The following GRM1 variants were observed in gnomAD, a reference collection of about 807,000 sequenced individuals.
The protein encoded by GRM1 is metabotropic glutamate receptor 1.
Under a neutral mutation model 90.9 loss-of-function variants are expected in GRM1, and 33 were observed. That is an observed-to-expected ratio of 0.36 (90% CI 0.28 to 0.49). The LOEUF (loss-of-function observed/expected upper bound fraction) is 0.49. Among genes scored for constraint, GRM1 ranks in the 20% least tolerant of loss-of-function variants. The pLI, the probability that GRM1 is intolerant of heterozygous loss-of-function variation, is 0.99. For synonymous variants in GRM1, 700 were observed against 613.2 expected (o/e 1.14, Z -2.09); for missense variants, 1,190 against 1,534.3 (o/e 0.78, Z 3.75).
intron 3 of GRM1, among the ~76,000 whole-genome samples, chr6:146,314,050 C>CTTTTT (rs1783869802): frequency 3.6e-5 from 3 of 82,932 alleles, no homozygotes; most frequent in African/African-American, 1.3e-4. Context: ...ATAGTTAATT[C>CTTTTT]CTTTTTTTTT....
At chr6:146,379,930 G>GTCTC (rs56732675) in intron 5 of GRM1, among the ~76,000 whole-genome samples, 93 of 147,854 alleles carry the variant, frequency 6.3e-4, no homozygotes, top group South Asian at 3.2e-3. Flanking sequence ...TACAGAGTCT[G>GTCTC]TCTCTCTCTC....
intron 7 of GRM1, among the ~76,000 whole-genome samples, chr6:146,409,102 A>G (rs955156226): frequency 2.6e-5 from 4 of 152,126 alleles, no homozygotes; most frequent in African/African-American, 9.7e-5. Flanking sequence ...TATAAGAAAT[A>G]ATATCAGGTA....
intron 7 of GRM1, among the ~76,000 whole-genome samples, chr6:146,431,245 G>C (rs1778394047): frequency 6.6e-6 from 1 of 152,168 alleles, no homozygotes. Context: ...GGGAACGAAA[G>C]TTACCAGTTT....
intron 2 of GRM1, among the ~76,000 whole-genome samples, chr6:146,227,295 G>T (rs1057445851): frequency 2.6e-5 from 4 of 152,020 alleles, no homozygotes; most frequent in Non-Finnish European, 5.9e-5. Context: ...CACTTTCACA[G>T]TGGGGTTTGG....
At chr6:146,313,930 T>G (rs567294824) in intron 3 of GRM1, among the ~76,000 whole-genome samples, 3 of 152,198 alleles carry the variant, frequency 2.0e-5, no homozygotes, top group African/African-American at 7.2e-5. Flanking sequence ...ATTTCTATAC[T>G]TTAATATAAA....
Position 146,399,720 on chromosome 6 carries a change from G to A in GRM1, c.2660+21G>A. The A allele has an allele frequency of 6.6e-7, 1 of 1,517,776 alleles. No individual in the cohort carries two copies. Among genetic ancestry groups the A allele is most frequent in the Non-Finnish European group, 9.1e-7 (1 of 1,104,374 alleles). 94.0% of individuals were successfully genotyped at this position (1,517,776 alleles called of 1,614,324 possible). A position where few individuals can be genotyped will look rare whatever the true frequency, so the allele number is the denominator to read the frequency against. Reference sequence around the variant, plus strand: ...GCCAAGTGAGTTATCTGACCTGTTTGTCTCTCTTTTCTCTTCCTTTCTCTG... The same window carrying A: ...GCCAAGTGAGTTATCTGACCTGTTTATCTCTCTTTTCTCTTCCTTTCTCTG... On this transcript the variant is annotated intron_variant, in intron 7 of 7. Coordinates refer to ENST00000282753, the MANE Select transcript of GRM1 (RefSeq NM_001278064.2). This position sits in a 1 kb window ranked among gnomAD's most constrained non-coding sequence, Gnocchi z 5.4.
At chr6:146,151,996 A>T (rs755374774) in intron 1 of GRM1, among the ~76,000 whole-genome samples, 7 of 152,092 alleles carry the variant, frequency 4.6e-5, no homozygotes, top group African/African-American at 1.2e-4. Context: ...CAACATATTA[A>T]ATTGTGTATG....
At chr6:146,112,866 G>A (rs938886798) in intron 1 of GRM1, among the ~76,000 whole-genome samples, 5 of 152,066 alleles carry the variant, frequency 3.3e-5, no homozygotes, top group Admixed American at 1.3e-4. Context: ...ATTAATAGGT[G>A]CACTAGCTTG....
At chr6:146,331,795 A>C (rs1263058938) in intron 3 of GRM1, among the ~76,000 whole-genome samples, 2 of 152,220 alleles carry the variant, frequency 1.3e-5, no homozygotes, top group East Asian at 3.9e-4. Flanking sequence ...AAACATGTTT[A>C]TTTTTGAAGG....
intron 1 of GRM1, among the ~76,000 whole-genome samples, chr6:146,095,419 G>A (rs534722712): frequency 6.6e-6 from 1 of 152,246 alleles, no homozygotes; most frequent in Middle Eastern, 3.4e-3. Flanking sequence ...GGTTTTAGAA[G>A]CCATTTGTTT....
At chr6:146,028,971 G>A (rs1790602677), upstream of GRM1, among the ~76,000 whole-genome samples, 1 of 152,282 alleles carries the variant, frequency 6.6e-6, no homozygotes, top group African/African-American at 2.4e-5. Flanking sequence ...TTGGAGGAGC[G>A]GGCGAGTTGG....
intron 6 of GRM1, among the ~76,000 whole-genome samples, chr6:146,387,405 T>C (rs1373707043): frequency 2.0e-5 from 3 of 152,038 alleles, no homozygotes; most frequent in Non-Finnish European, 2.9e-5. Flanking sequence ...AGCTTTTATT[T>C]TGTATAAAAT....
intron 5 of GRM1, among the ~76,000 whole-genome samples, chr6:146,367,668 T>C (rs1342845917): frequency 6.6e-6 from 1 of 152,162 alleles, no homozygotes; most frequent in Non-Finnish European, 1.5e-5. Flanking sequence ...CTGCAGTGTT[T>C]GCAAGTTTTC....
At chr6:146,409,818 C>A (rs1777493506) in intron 7 of GRM1, among the ~76,000 whole-genome samples, 1 of 152,088 alleles carries the variant, frequency 6.6e-6, no homozygotes, top group South Asian at 2.1e-4. Flanking sequence ...AGCCTCTATG[C>A]AAATTATCTG....
chr6:146,256,735 C>T (rs1205697277), intron 2 of GRM1, among the ~76,000 whole-genome samples: 3 of 152,166 alleles, frequency 2.0e-5, no homozygotes, highest in African/African-American at 7.2e-5. Flanking sequence ...TTTTCCCCTA[C>T]TCCATTGGAT....
chr6:146,278,168 A>G (rs936216156), intron 2 of GRM1, among the ~76,000 whole-genome samples: 5 of 152,160 alleles, frequency 3.3e-5, no homozygotes, highest in Non-Finnish European at 7.4e-5. Context: ...TTCAAATCAT[A>G]TTTATTTGGA....
At chr6:146,295,564 T>C (rs900411291) in intron 2 of GRM1, among the ~76,000 whole-genome samples, 3 of 152,136 alleles carry the variant, frequency 2.0e-5, no homozygotes, top group African/African-American at 7.2e-5. Context: ...CATATCACTA[T>C]GTTTTTGGAA....
intron 7 of GRM1, among the ~76,000 whole-genome samples, chr6:146,421,429 T>C (rs552181548): frequency 1.1e-4 from 16 of 152,238 alleles, no homozygotes; most frequent in Non-Finnish European, 2.4e-4. Flanking sequence ...ATATAAAATA[T>C]AATATGCTAA....
chr6:146,067,209 C>T (rs1056854718), intron 1 of GRM1, among the ~76,000 whole-genome samples: 8 of 152,094 alleles, frequency 5.3e-5, no homozygotes, highest in Non-Finnish European at 1.2e-4. Context: ...TAAATTTGCT[C>T]GTCAGCAATA....
Sources: gnomAD v4.1 joint callset for allele counts (sites outside exome capture counted in the v4.1 genomes callset) on GRCh38, gnomAD v4.1.1 for gene constraint, Gnocchi (gnomAD v3.1) non-coding constraint, MANE v1.5 for transcripts, NCBI Gene and HGNC (gene_info 2026-07-23, HGNC 2026-07-21) for gene names.